Variants in RIPK2 observed in about 807,000 individuals in gnomAD.
RIPK2 encodes the protein receptor-interacting serine/threonine-protein kinase 2.
Under a neutral mutation model 60.9 loss-of-function variants are expected in RIPK2, and 38 were observed. That is an observed-to-expected ratio of 0.62 (90% CI 0.48 to 0.82). RIPK2 has a LOEUF of 0.82. Ranked by LOEUF, RIPK2 falls within the 40% of genes least tolerant of loss-of-function variation. The pLI, the probability that RIPK2 is intolerant of heterozygous loss-of-function variation, is 0.00. For synonymous variants in RIPK2, 225 were observed against 223.4 expected, an observed-to-expected ratio of 1.01 and a Z score of -0.06; for missense variants, 518 against 647.0, an observed-to-expected ratio of 0.80 and a Z score of 2.16.
intron 8 of RIPK2, among the ~76,000 whole-genome samples, chr8:89,785,143 T>C (rs938459320): frequency 4.6e-5 from 7 of 152,082 alleles, no homozygotes; most frequent in African/African-American, 9.7e-5. Context: ...TATCAAACCA[T>C]AGCAACATCT....
In RIPK2 at chr8:89,765,325, T is replaced by C; in HGVS notation, c.328-16T>C. On this transcript the variant is annotated splice_polypyrimidine_tract_variant and intron_variant, in intron 2 of 10. Coordinates refer to ENST00000220751, the MANE Select transcript of RIPK2 (RefSeq NM_003821.6). ...TGGACTAATTTCATTTTCTTTCTTT[T>C]CACATATATATGAAGAAAACTGAAT... 1 of 1,574,070 alleles carries C rather than the reference T, an allele frequency of 6.4e-7. No homozygotes were observed. Among genetic ancestry groups the C allele is most frequent in the East Asian group, 2.3e-5 (1 of 44,354 alleles).
chr8:89,763,763 T>C (rs1809182594), intron 2 of RIPK2, among the ~76,000 whole-genome samples: 1 of 152,158 alleles, frequency 6.6e-6, no homozygotes, highest in Non-Finnish European at 1.5e-5. Flanking sequence ...AGTAACTTCC[T>C]CTCAGTTTCA....
chr8:89,765,292 G>C, intron 2 of RIPK2, 49 bp from the exon 3 acceptor site: 1 of 1,336,570 alleles, frequency 7.5e-7, no homozygotes. Flanking sequence ...GTGAAACATA[G>C]TGAAATTTGG....
chr8:89,760,538 T>C (rs39501), intron 1 of RIPK2, among the ~76,000 whole-genome samples: 52,388 of 152,136 alleles, frequency 0.34, 10,144 homozygotes, highest in Non-Finnish European at 0.44. Flanking sequence ...TTGCCAAAAA[T>C]CTACCTTCAA....
chr8:89,776,574 CA>C (rs1336194512), intron 6 of RIPK2, among the ~76,000 whole-genome samples: 1 of 152,188 alleles, frequency 6.6e-6, no homozygotes, highest in Non-Finnish European at 1.5e-5. Context: ...TTGGGGATGA[CA>C]GTGAACAGGG....
chr8:89,769,243 G>A (rs1809276098), intron 3 of RIPK2, among the ~76,000 whole-genome samples: 1 of 151,794 alleles, frequency 6.6e-6, no homozygotes, highest in Non-Finnish European at 1.5e-5. Context: ...TTAGTGATCA[G>A]CATAAAATTG....
chr8:89,788,810 G>A (rs539264204), intron 9 of RIPK2, among the ~76,000 whole-genome samples: 52 of 151,752 alleles, frequency 3.4e-4, no homozygotes, highest in African/African-American at 1.2e-3. Context: ...GAGAGAGAGA[G>A]GGAGGGAGGG....
intron 1 of RIPK2, among the ~76,000 whole-genome samples, chr8:89,758,990 T>A (rs1401473210): frequency 6.6e-6 from 1 of 152,222 alleles, no homozygotes; most frequent in Non-Finnish European, 1.5e-5. Flanking sequence ...TGCTTCTTAT[T>A]GTTTTTATTT....
At chr8:89,776,619 T>A (rs1187112904) in intron 6 of RIPK2, among the ~76,000 whole-genome samples, 1 of 152,204 alleles carries the variant, frequency 6.6e-6, no homozygotes, top group African/African-American at 2.4e-5. Flanking sequence ...ATTTTGAATA[T>A]AGTTTTGACT....
intron 10 of RIPK2, 26 bp downstream of exon 10, chr8:89,789,508 G>GT: frequency 6.2e-7 from 1 of 1,601,598 alleles, no homozygotes. Flanking sequence ...GAAACACCTT[G>GT]TAAGTGATGC....
intron 9 of RIPK2, 64 bp from the exon 10 acceptor site, chr8:89,789,257 C>T: frequency 7.1e-7 from 1 of 1,399,130 alleles, no homozygotes; most frequent in Non-Finnish European, 1.0e-6. Context: ...CAGATGTTGA[C>T]ATGTTAGCCA....
intron 6 of RIPK2, among the ~76,000 whole-genome samples, chr8:89,773,182 A>T (rs556687645): frequency 2.0e-5 from 3 of 152,306 alleles, no homozygotes; most frequent in Non-Finnish European, 4.4e-5. Flanking sequence ...GAGAAGGCAG[A>T]GTGAAAACAA....
chr8:89,778,006 A>C (rs895423970), intron 6 of RIPK2, among the ~76,000 whole-genome samples: 5 of 152,218 alleles, frequency 3.3e-5, no homozygotes, highest in Admixed American at 3.3e-4. Flanking sequence ...GAGTAAGCAC[A>C]AGATGCCTAC....
At chr8:89,774,488 T>G (rs559232098) in intron 6 of RIPK2, among the ~76,000 whole-genome samples, 1 of 152,260 alleles carries the variant, frequency 6.6e-6, no homozygotes, top group South Asian at 2.1e-4. Context: ...GTTTGGCAGT[T>G]TCTTAAAAAT....
chr8:89,788,794 C>CAGAG (rs376041296), intron 9 of RIPK2, among the ~76,000 whole-genome samples: 5 of 139,524 alleles, frequency 3.6e-5, no homozygotes, highest in Admixed American at 1.5e-4. Flanking sequence ...GAGAGAGAGA[C>CAGAG]AGAGAGAGAG....
chr8:89,783,910 T>C, intron 7 of RIPK2, 140 bp from the exon 8 acceptor site: 2 of 473,748 alleles, frequency 4.2e-6, no homozygotes, highest in South Asian at 4.4e-5. Flanking sequence ...CCTTCAGTTA[T>C]ATGTTATATT....
chr8:89,777,338 G>A (rs944168365), intron 6 of RIPK2, among the ~76,000 whole-genome samples: 5 of 152,180 alleles, frequency 3.3e-5, no homozygotes, highest in African/African-American at 9.7e-5. Flanking sequence ...ATGGCAAAGA[G>A]AGGACAACAG....
rs1809666196 is a variant in RIPK2, at chr8:89,790,905, T to G, written c.*489T>G. On this transcript the variant is annotated 3_prime_UTR_variant, in exon 11 of 11. Transcript: ENST00000220751. ...TTAGGATTACATTTTAAAGTTTTATTTATGAATTCCCTTTAAAAATGATAT... is the reference window on the plus strand; with the variant it reads ...TTAGGATTACATTTTAAAGTTTTATGTATGAATTCCCTTTAAAAATGATAT... 1 of 152,186 alleles carries G rather than the reference T, an allele frequency of 6.6e-6. No homozygotes were observed. Among genetic ancestry groups the G allele is most frequent in the Non-Finnish European group, 1.5e-5 (1 of 68,058 alleles). 9.4% of individuals were successfully genotyped at this position (152,186 alleles called of 1,614,324 possible).
chr8:89,774,314 A>T lies in RIPK2; in HGVS notation c.853+1486A>T, dbSNP rs146652553. 7.3e-3 allele frequency among the ~76,000 whole-genome samples: 1,113 copies of T among 152,316 alleles called. 11 individuals carry two copies. Among genetic ancestry groups the T allele is most frequent in the African/African-American group, 0.026 (1,061 of 41,572 alleles). ...AAAATGATGCTTAATATTATTAGTCATTTGGAAATGCAAATTAAAACTGCA... is the reference window on the plus strand; with the variant it reads ...AAAATGATGCTTAATATTATTAGTCTTTTGGAAATGCAAATTAAAACTGCA... On this transcript the variant is annotated intron_variant, in intron 6 of 10. Coordinates refer to ENST00000220751, the MANE Select transcript of RIPK2 (RefSeq NM_003821.6).
Sources: allele counts gnomAD v4.1 joint callset (sites outside exome capture counted in the v4.1 genomes callset), GRCh38; gene constraint gnomAD v4.1.1; transcripts MANE v1.5; gene names NCBI Gene and HGNC (gene_info 2026-07-23, HGNC 2026-07-21).